Variants in SLC24A2 observed in about 807,000 individuals in gnomAD.
SLC24A2 encodes the protein solute carrier family 24 member 2, also known as sodium/potassium/calcium exchanger 2.
Under a neutral mutation model 62.0 loss-of-function variants are expected in SLC24A2, and 36 were observed. The observed-to-expected ratio is 0.58, with a 90% CI of 0.44 to 0.77. The LOEUF (loss-of-function observed/expected upper bound fraction) is 0.77. Among genes scored for constraint, SLC24A2 ranks in the 30% least tolerant of loss-of-function variants. SLC24A2 has a pLI of 0.00. For synonymous variants in SLC24A2, 358 were observed against 294.0 expected (o/e 1.22, Z -2.23); for missense variants, 846 against 817.9 (o/e 1.03, Z -0.42).
the SLC24A2 span, among the ~76,000 whole-genome samples, chr9:19,874,280 A>C: frequency 6.6e-6 from 1 of 151,884 alleles, no homozygotes; most frequent in African/African-American, 2.4e-5. Flanking sequence ...GGGTTTCGCC[A>C]TGTTGGCCAG....
the SLC24A2 span, among the ~76,000 whole-genome samples, chr9:19,878,963 TA>T: frequency 1.6e-4 from 24 of 152,266 alleles, no homozygotes; most frequent in African/African-American, 5.5e-4. Flanking sequence ...CAACACTCCA[TA>T]ATTCAAAACA....
rs1832756672 is a variant in SLC24A2 at position 19,512,571 on chromosome 9, A to T, written c.*3582T>A. Reference sequence around the variant, plus strand: ...GGTGCAGAGGGCAGCTGGAGTTGGCATGGGCATTCTCAGATGCAATTTAGG... The same window carrying T: ...GGTGCAGAGGGCAGCTGGAGTTGGCTTGGGCATTCTCAGATGCAATTTAGG... On this transcript the variant is annotated 3_prime_UTR_variant, in exon 11 of 11. Coordinates refer to ENST00000341998, the MANE Select transcript of SLC24A2 (RefSeq NM_020344.4). 6.6e-6 allele frequency: 1 copy of T among 152,224 alleles called. No individual in the cohort carries two copies. Among genetic ancestry groups the T allele is most frequent in the East Asian group, 1.9e-4 (1 of 5,188 alleles). 9.4% of individuals were successfully genotyped at this position (152,224 alleles called of 1,614,324 possible).
chr9:19,636,748 T>C (rs10117966), intron 2 of SLC24A2, among the ~76,000 whole-genome samples: 98,439 of 151,776 alleles, frequency 0.65, 32,603 homozygotes, highest in East Asian at 0.86. Flanking sequence ...CTAGGGTTTT[T>C]AATTTGGAAA....
At chr9:20,191,487 G>A in the SLC24A2 span, among the ~76,000 whole-genome samples, 1 of 151,986 alleles carries the variant, frequency 6.6e-6, no homozygotes, top group Admixed American at 6.6e-5. Context: ...GAAGTGAGGT[G>A]TAACTGCACA....
At chr9:19,805,387 TTTGA>T in the SLC24A2 span, among the ~76,000 whole-genome samples, 3 of 152,212 alleles carry the variant, frequency 2.0e-5, no homozygotes, top group African/African-American at 4.8e-5. Flanking sequence ...TACCTTAATG[TTTGA>T]TTGTTTATCT....
At chr9:19,691,681 G>A (rs1820050566) in intron 2 of SLC24A2, among the ~76,000 whole-genome samples, 2 of 152,118 alleles carry the variant, frequency 1.3e-5, no homozygotes, top group South Asian at 4.1e-4. Context: ...TACTTTCCTA[G>A]TATATGTTAA....
the SLC24A2 span, among the ~76,000 whole-genome samples, chr9:20,122,641 G>A: frequency 1.6e-4 from 25 of 152,210 alleles, no homozygotes; most frequent in Middle Eastern, 3.4e-3. Context: ...AGTCGAGATT[G>A]CACCACTGCA....
chr9:19,578,287 A>G (rs10964227), intron 5 of SLC24A2, among the ~76,000 whole-genome samples: 5,472 of 151,626 alleles, frequency 0.036, 375 homozygotes, highest in East Asian at 0.32. Context: ...CATTTTAAAC[A>G]GCTGTAACAC....
At chr9:19,768,357 A>G (rs1260374833) in intron 2 of SLC24A2, among the ~76,000 whole-genome samples, 1 of 152,170 alleles carries the variant, frequency 6.6e-6, no homozygotes, top group African/African-American at 2.4e-5. Flanking sequence ...CAAGTCGCCA[A>G]TGACCTCTTC....
At chr9:19,610,745 T>A (rs187295022) in intron 4 of SLC24A2, among the ~76,000 whole-genome samples, 1 of 152,298 alleles carries the variant, frequency 6.6e-6, no homozygotes, top group East Asian at 1.9e-4. Context: ...ATCAAGTAAA[T>A]AGAACTTTGT....
At chr9:19,744,457 G>T (rs1281307696) in intron 2 of SLC24A2, among the ~76,000 whole-genome samples, 1 of 152,054 alleles carries the variant, frequency 6.6e-6, no homozygotes, top group Admixed American at 6.6e-5. Flanking sequence ...TTTTATGGTT[G>T]CAGACTCCTA....
At chr9:19,966,323 GCC>G in the SLC24A2 span, among the ~76,000 whole-genome samples, 1 of 152,138 alleles carries the variant, frequency 6.6e-6, no homozygotes, top group South Asian at 2.1e-4. Context: ...GTGTGTGCAT[GCC>G]CATAATAGTA....
At chr9:20,082,460 G>A in the SLC24A2 span, among the ~76,000 whole-genome samples, 6 of 152,292 alleles carry the variant, frequency 3.9e-5, no homozygotes, top group African/African-American at 1.4e-4. Flanking sequence ...TCAAGGTGGC[G>A]GATTTGCTGT....
At chr9:20,004,319 C>G in the SLC24A2 span, among the ~76,000 whole-genome samples, 1 of 152,074 alleles carries the variant, frequency 6.6e-6, no homozygotes, top group African/African-American at 2.4e-5. Flanking sequence ...CGGTGTTCAG[C>G]TGGGCCTATG....
chr9:19,940,790 A>G, the SLC24A2 span, among the ~76,000 whole-genome samples: 5 of 152,204 alleles, frequency 3.3e-5, no homozygotes, highest in African/African-American at 1.2e-4. Context: ...TGCCCTCTCA[A>G]TGCACAGTTC....
chr9:19,993,744 C>T, the SLC24A2 span, among the ~76,000 whole-genome samples: 2 of 152,082 alleles, frequency 1.3e-5, no homozygotes, highest in African/African-American at 4.8e-5. Context: ...TGTTCTATTC[C>T]CTAACTATGT....
At chr9:19,932,381 C>A in the SLC24A2 span, among the ~76,000 whole-genome samples, 1 of 152,068 alleles carries the variant, frequency 6.6e-6, no homozygotes. Context: ...GGAGCTTCTT[C>A]AATATCATAG....
At chr9:20,036,832 A>G in the SLC24A2 span, among the ~76,000 whole-genome samples, 2 of 151,936 alleles carry the variant, frequency 1.3e-5, no homozygotes, top group African/African-American at 4.8e-5. Context: ...ACACACATAT[A>G]TATGTGTATA....
At chr9:19,991,866 C>G in the SLC24A2 span, among the ~76,000 whole-genome samples, 2 of 152,136 alleles carry the variant, frequency 1.3e-5, no homozygotes, top group African/African-American at 4.8e-5. Flanking sequence ...AAGACTTAAA[C>G]TGAGTCTTGA....
Sources: allele counts gnomAD v4.1 joint callset (sites outside exome capture counted in the v4.1 genomes callset), GRCh38; gene constraint gnomAD v4.1.1; transcripts MANE v1.5; gene names NCBI Gene and HGNC (gene_info 2026-07-23, HGNC 2026-07-21).